RNF17: variants seen among roughly 807,000 people sequenced by gnomAD.
The protein encoded by RNF17 is spermatogenesis associated 23.
In RNF17, 31 loss-of-function variants were observed where a neutral mutation model predicts 200.5. The observed-to-expected ratio is 0.15, with a 90% CI of 0.12 to 0.21. The LOEUF is 0.21. Ranked by LOEUF, RNF17 falls within the 10% of genes least tolerant of loss-of-function variation. The pLI, the probability that RNF17 is intolerant of heterozygous loss-of-function variation, is 1.00. For synonymous variants in RNF17, 606 were observed against 637.8 expected (o/e 0.95, Z 0.75); for missense variants, 1,628 against 1,905.1 (o/e 0.85, Z 2.71).
intron 25 of RNF17, among the ~76,000 whole-genome samples, chr13:24,856,607 T>C (rs1334076939): frequency 1.3e-5 from 2 of 152,278 alleles, no homozygotes; most frequent in Non-Finnish European, 2.9e-5. Flanking sequence ...TAGTCCTAGC[T>C]CATCGGCTTA....
At chr13:24,803,340 C>A (rs1209780346) in intron 14 of RNF17, among the ~76,000 whole-genome samples, 1 of 152,150 alleles carries the variant, frequency 6.6e-6, no homozygotes, top group East Asian at 1.9e-4. Flanking sequence ...TCCCATCACC[C>A]AGGCTAGAGT....
At chr13:24,754,635 A>C in the RNF17 span, among the ~76,000 whole-genome samples, 1 of 152,210 alleles carries the variant, frequency 6.6e-6, no homozygotes, top group Non-Finnish European at 1.5e-5. Context: ...TCATACCTGT[A>C]GTCCCGCACT....
downstream of RNF17, chr13:24,884,062 C>A (rs483352749): frequency 1.2e-6 from 2 of 1,613,560 alleles, no homozygotes; most frequent in Non-Finnish European, 8.5e-7. Flanking sequence ...GATTTCTTTT[C>A]TTCCATCTGG....
At chr13:24,764,888 G>GGGGTGTGTGTGTGTGTGTGTGT (rs899352115) in intron 1 of RNF17, among the ~76,000 whole-genome samples, 1 of 134,092 alleles carries the variant, frequency 7.5e-6, no homozygotes, top group East Asian at 2.0e-4. Context: ...CACCTTGTGG[G>GGGGTGTGTGTGTGTGTGTGTGT]GTGTGTGTGT....
At chr13:24,784,071 A>G (rs923994009) in intron 6 of RNF17, among the ~76,000 whole-genome samples, 9 of 152,190 alleles carry the variant, frequency 5.9e-5, no homozygotes, top group Non-Finnish European at 7.4e-5. Context: ...TTTTATCATG[A>G]AATTGTGTTG....
At chr13:24,774,934 T>G (rs1310806496) in intron 3 of RNF17, 30 bp downstream of exon 3, 1 of 1,339,326 alleles carries the variant, frequency 7.5e-7, no homozygotes, top group Non-Finnish European at 1.1e-6. Flanking sequence ...ATTTGAGTAT[T>G]TAAAGTCAAT....
chr13:24,809,866 A>G (rs1399130157), intron 15 of RNF17, among the ~76,000 whole-genome samples: 1 of 152,070 alleles, frequency 6.6e-6, no homozygotes, highest in Non-Finnish European at 1.5e-5. Context: ...GTTTCAAAGA[A>G]CATATTTATT....
intron 2 of RNF17, among the ~76,000 whole-genome samples, chr13:24,772,039 A>T (rs1480025124): frequency 6.6e-6 from 1 of 152,068 alleles, no homozygotes; most frequent in African/African-American, 2.4e-5. Context: ...ATGTTTAATT[A>T]TTTTATGTGT....
intron 33 of RNF17, among the ~76,000 whole-genome samples, chr13:24,876,247 T>C (rs1894842428): frequency 6.6e-6 from 1 of 152,224 alleles, no homozygotes; most frequent in South Asian, 2.1e-4. Context: ...ACATTTTTTA[T>C]TTTCATCTTA....
chr13:24,796,975 G>T (rs1450887025), intron 11 of RNF17, among the ~76,000 whole-genome samples: 4 of 152,064 alleles, frequency 2.6e-5, no homozygotes, highest in African/African-American at 9.7e-5. Flanking sequence ...TTAAAAGTAT[G>T]ATTAACTCTC....
chr13:24,750,687 C>G, the RNF17 span: 5 of 152,188 alleles, frequency 3.3e-5, no homozygotes, highest in Admixed American at 6.6e-5. Flanking sequence ...ATACTTACTT[C>G]GCCTTCTGAT....
chr13:24,754,048 C>T, the RNF17 span, among the ~76,000 whole-genome samples: 5 of 151,800 alleles, frequency 3.3e-5, no homozygotes, highest in African/African-American at 1.2e-4. Flanking sequence ...ATCCCAGCTA[C>T]TTGGGAGGCT....
chr13:24,778,479 T>C, intron 4 of RNF17, 73 bp downstream of exon 4: 1 of 917,518 alleles, frequency 1.1e-6, no homozygotes, highest in Non-Finnish European at 1.8e-6. Flanking sequence ...TCAACTTTCT[T>C]CTCCTATAAT....
At chr13:24,820,715 C>T (rs776959469) in intron 15 of RNF17, among the ~76,000 whole-genome samples, 3 of 152,082 alleles carry the variant, frequency 2.0e-5, no homozygotes, top group Non-Finnish European at 4.4e-5. Context: ...GGATTACAGT[C>T]GTAGGCCACC....
At position 24,872,094 on chromosome 13, in the gene RNF17, A is replaced by G. The variant is rs187607159; in HGVS notation, c.4447+1355A>G. ...AACGATTCTTCTGCCTCAGCCTCCC[A>G]AGTAGACAGGCATGCATCACCTCGC... On this transcript the variant is annotated intron_variant, in intron 32 of 35. Coordinates refer to ENST00000255324, the MANE Select transcript of RNF17 (RefSeq NM_031277.3). Among the ~76,000 whole-genome samples the G allele has an allele frequency of 6.8e-5, 10 of 146,108 alleles. No homozygotes were observed. The Admixed American group carries it at 7.3e-4, about 11-fold the overall frequency.
At chr13:24,835,049 A>G (rs551918678) in intron 18 of RNF17, among the ~76,000 whole-genome samples, 19 of 152,062 alleles carry the variant, frequency 1.2e-4, no homozygotes, top group African/African-American at 3.9e-4. Context: ...TGTGACTGCC[A>G]TCATTCCCCC....
chr13:24,842,120 T>C lies in RNF17; in HGVS notation c.2562T>C (p.Asn854=). The C allele has an allele frequency of 6.2e-7, 1 of 1,610,614 alleles. No homozygotes were observed. The highest frequency in any genetic ancestry group is 1.3e-5 in the African/African-American group (1 of 74,942). ...GAPEMTTTSI[N]DQLVKEGLAS... is the part of the protein sequence containing the mutation. ...CTGAAATGACTACTACTAGTATTAA[T>C]GACCAGCTAGTTAAAGAGGGCCTAG... The change falls in exon 19 of 36, where the codon AAT becomes AAC. Residue 854 remains asparagine, a synonymous_variant. Transcript: ENST00000255324.
At chr13:24,886,904 AC>A in the RNF17 span, among the ~76,000 whole-genome samples, 15 of 152,174 alleles carry the variant, frequency 9.9e-5, no homozygotes, top group Non-Finnish European at 2.1e-4. Context: ...ACTAACATTA[AC>A]TTGAACCCCC....
At chr13:24,795,199 T>G (rs1411642609) in intron 10 of RNF17, among the ~76,000 whole-genome samples, 1 of 152,196 alleles carries the variant, frequency 6.6e-6, no homozygotes, top group Admixed American at 6.6e-5. Flanking sequence ...CCACTCCTCC[T>G]AGTCTTTGTT....
Sources: gnomAD v4.1 joint callset for allele counts (sites outside exome capture counted in the v4.1 genomes callset) on GRCh38, gnomAD v4.1.1 for gene constraint, MANE v1.5 for transcripts, NCBI Gene and HGNC (gene_info 2026-07-23, HGNC 2026-07-21) for gene names.